The following OR7E24 variants were observed in gnomAD, a reference collection of about 807,000 sequenced individuals.
The protein encoded by OR7E24 is olfactory receptor family 7 subfamily E member 24.
For missense variants in OR7E24, 385 were observed against 410.3 expected (o/e 0.94, Z 0.53); for synonymous variants, 130 against 157.5 (o/e 0.83, Z 1.31).
the OR7E24 span, among the ~76,000 whole-genome samples, chr19:9,229,204 A>T: frequency 6.6e-6 from 1 of 152,156 alleles, no homozygotes; most frequent in Admixed American, 6.5e-5. Context: ...CATTCCAGAG[A>T]GAAGATTGCT....
Position 9,251,506 on chromosome 19 carries a change from A to T in OR7E24, c.463A>T (p.Asn155Tyr). Reference protein sequence around the residue: ...CHPLHYRIIMNPRLCGFLILL... With the variant: ...CHPLHYRIIMYPRLCGFLILL... ...CCCCCTGCACTACCGAATCATCATG[A>T]ACCCACGCCTCTGTGGCTTCTTAAT... is the stretch of plus-strand genomic sequence containing the variant. Residue 155 changes from asparagine (N) to tyrosine (Y), a missense_variant, in exon 1 of 1, where the codon AAC becomes TAC. By Grantham distance (143) the Asn-to-Tyr change is moderately radical. Transcript: ENST00000456448. 1 of 1,614,132 alleles carries T rather than the reference A, an allele frequency of 6.2e-7. No individual in the cohort carries two copies. The highest frequency in any genetic ancestry group is 8.5e-7 in the Non-Finnish European group (1 of 1,180,024).
chr19:9,232,538 CA>C, the OR7E24 span, among the ~76,000 whole-genome samples: 16,551 of 62,268 alleles, frequency 0.27, 769 homozygotes, highest in South Asian at 0.34. Context: ...AACTCCGTCG[CA>C]AAAAAAAAAA....
chr19:9,230,123 C>T, the OR7E24 span, among the ~76,000 whole-genome samples: 2 of 151,516 alleles, frequency 1.3e-5, no homozygotes, highest in African/African-American at 4.9e-5. Context: ...CGGCTCAGCA[C>T]AACCTCCGCC....
chr19:9,230,449 C>G, the OR7E24 span, among the ~76,000 whole-genome samples: 1 of 152,142 alleles, frequency 6.6e-6, no homozygotes, highest in Non-Finnish European at 1.5e-5. Context: ...AAGCCTCTTT[C>G]CGGGAACAGT....
the OR7E24 span, among the ~76,000 whole-genome samples, chr19:9,231,248 T>C: frequency 6.6e-6 from 1 of 152,134 alleles, no homozygotes; most frequent in East Asian, 1.9e-4. Context: ...TGTTTTAATA[T>C]GGACTATGCT....
At chr19:9,212,073 G>A in the OR7E24 span, 13 of 151,906 alleles carry the variant, frequency 8.6e-5, no homozygotes, top group African/African-American at 1.7e-4. Context: ...ATTTTTGTGC[G>A]TAGATAGTAG....
At chr19:9,224,197 G>T in the OR7E24 span, among the ~76,000 whole-genome samples, 2 of 152,000 alleles carry the variant, frequency 1.3e-5, no homozygotes, top group Non-Finnish European at 2.9e-5. Flanking sequence ...CTCTGGTCCT[G>T]TTTGGGTTCA....
the OR7E24 span, among the ~76,000 whole-genome samples, chr19:9,237,456 G>A: frequency 1.1e-4 from 16 of 151,566 alleles, no homozygotes; most frequent in Admixed American, 2.6e-4. Flanking sequence ...GACTACAGGC[G>A]CCCCCCACCA....
chr19:9,232,411 G>A, the OR7E24 span, among the ~76,000 whole-genome samples: 3 of 151,866 alleles, frequency 2.0e-5, no homozygotes, highest in Non-Finnish European at 2.9e-5. Flanking sequence ...GGTGGTGTGC[G>A]CCTGTAGTCC....
chr19:9,221,340 C>CTTTT, the OR7E24 span, among the ~76,000 whole-genome samples: 78 of 81,182 alleles, frequency 9.6e-4, 23 homozygotes, highest in African/African-American at 5.2e-3. Flanking sequence ...GTCTTTTGCC[C>CTTTT]TTTTTTTTTT....
upstream of OR7E24, among the ~76,000 whole-genome samples, chr19:9,248,219 C>G (rs2066135876): frequency 6.6e-6 from 1 of 152,146 alleles, no homozygotes; most frequent in Non-Finnish European, 1.5e-5. Context: ...TGCCAGTCAC[C>G]ATGACATCAT....
the OR7E24 span, among the ~76,000 whole-genome samples, chr19:9,215,126 C>T: frequency 0.061 from 9,334 of 152,082 alleles, 455 homozygotes; most frequent in African/African-American, 0.13. Flanking sequence ...GGGCAGATCA[C>T]GAGGTCAAGA....
the OR7E24 span, chr19:9,211,892 A>T: frequency 6.8e-6 from 1 of 146,850 alleles, no homozygotes; most frequent in East Asian, 1.9e-4. Context: ...TTCATTTTAA[A>T]ATTAAAAAAA....
the OR7E24 span, among the ~76,000 whole-genome samples, chr19:9,232,192 C>T: frequency 1.3e-5 from 2 of 151,978 alleles, no homozygotes; most frequent in Non-Finnish European, 2.9e-5. Context: ...GGGGGCCAGG[C>T]GTGTTCAACA....
At chr19:9,214,132 T>C in the OR7E24 span, 1 of 1,614,172 alleles carries the variant, frequency 6.2e-7, no homozygotes, top group South Asian at 1.1e-5. Context: ...GAAAAGGCTT[T>C]GTACTTGCCC....
upstream of OR7E24, among the ~76,000 whole-genome samples, chr19:9,247,128 G>T (rs1259156903): frequency 6.6e-6 from 1 of 152,062 alleles, no homozygotes; most frequent in Non-Finnish European, 1.5e-5. Flanking sequence ...ATAAATGAAA[G>T]AAGTGAATAG....
the OR7E24 span, chr19:9,214,306 A>C: frequency 6.2e-7 from 1 of 1,614,174 alleles, no homozygotes; most frequent in Non-Finnish European, 8.5e-7. Context: ...GGTTCACAGA[A>C]GAAATGCGGA....
At chr19:9,236,038 G>T in the OR7E24 span, 1 of 1,607,578 alleles carries the variant, frequency 6.2e-7, no homozygotes, top group Non-Finnish European at 8.5e-7. Context: ...GGATGTGAAG[G>T]GGGCCCTGGG....
chr19:9,251,471 C>T lies in OR7E24; in HGVS notation c.428C>T (p.Ala143Val). ...GTGATGGCCTATGACCGGTTTGTGG[C>T]CATCTGTCACCCCCTGCACTACCGA... ...LSVMAYDRFV[A>V]ICHPLHYRII... The change falls in exon 1 of 1, where the codon GCC (alanine) becomes GTC (valine). Residue 143 changes from alanine to valine, a missense_variant. Physicochemically the swap from Ala to Val is moderately conservative, Grantham distance 64. Coordinates refer to ENST00000456448, the MANE Select transcript of OR7E24 (RefSeq NM_001079935.2). The T allele has an allele frequency of 6.2e-7, 1 of 1,614,078 alleles. No homozygotes were observed. The highest frequency in any genetic ancestry group is 8.5e-7 in the Non-Finnish European group (1 of 1,180,004).
Sources: gnomAD v4.1 joint callset for allele counts (sites outside exome capture counted in the v4.1 genomes callset) on GRCh38, gnomAD v4.1.1 for gene constraint, MANE v1.5 for transcripts, NCBI Gene and HGNC (gene_info 2026-07-23, HGNC 2026-07-21) for gene names.